Variants in NR6A1 observed in about 807,000 individuals in gnomAD.
NR6A1 encodes retinoic acid receptor-related testis-associated receptor.
Under a neutral mutation model 59.1 loss-of-function variants are expected in NR6A1, and 7 were observed. The ratio of observed to expected loss-of-function variants is 0.12; its 90% CI spans 0.07 to 0.22. The LOEUF is 0.22. NR6A1 is among the 10% of genes least tolerant of loss of function. NR6A1 has a pLI of 1.00. For synonymous variants in NR6A1, 243 were observed against 236.1 expected (o/e 1.03, Z -0.27); for missense variants, 468 against 611.6 (o/e 0.77, Z 2.48).
At chr9:124,696,413 C>G (rs1478163724) in intron 2 of NR6A1, among the ~76,000 whole-genome samples, 1 of 152,056 alleles carries the variant, frequency 6.6e-6, no homozygotes, top group African/African-American at 2.4e-5. Context: ...GACCCCCTTC[C>G]ATCATCCTGT....
At position 124,599,615 on chromosome 9, in the gene NR6A1, G is replaced by A. The variant is rs533350124; in HGVS notation, c.143-45045C>T. 14 of 1,172,728 alleles carry A rather than the reference G, an allele frequency of 1.2e-5. 1 individual carries two copies. In the African/African-American group the frequency reaches 1.8e-4, roughly 15 times the overall value. 72.6% of individuals were successfully genotyped at this position (1,172,728 alleles called of 1,614,324 possible). On this transcript the variant is annotated intron_variant, in intron 2 of 9. Coordinates refer to ENST00000487099, the MANE Select transcript of NR6A1 (RefSeq NM_033334.4). ...GCGGCGGCGGCCGCTCGGCTGAGTCGGTCGTCGCCGGCTCCGCGGCCTCTC... is the reference window on the plus strand; with the variant it reads ...GCGGCGGCGGCCGCTCGGCTGAGTCAGTCGTCGCCGGCTCCGCGGCCTCTC...
chr9:124,771,138 C>A lies in NR6A1; in HGVS notation c.-19G>T. 1 of 1,210,734 alleles carries A rather than the reference C, an allele frequency of 8.3e-7. No individual in the cohort carries two copies. Among genetic ancestry groups the A allele is most frequent in the Non-Finnish European group, 1.0e-6 (1 of 968,606 alleles). 75.0% of individuals were successfully genotyped at this position (1,210,734 alleles called of 1,614,324 possible). A position where few individuals can be genotyped will look rare whatever the true frequency, so the allele number is the denominator to read the frequency against. ...GCTCCATGCGGTGGTGCCTAGGGTC[C>A]GCGCCGGGTTTGTTGCTCCGCCATG... On this transcript the variant is annotated 5_prime_UTR_variant, in exon 1 of 10. The change creates a premature stop within an existing upstream ORF in the 5' untranslated region. Transcript: ENST00000487099.
intron 2 of NR6A1, among the ~76,000 whole-genome samples, chr9:124,646,322 T>C (rs918852128): frequency 6.6e-6 from 1 of 152,076 alleles, no homozygotes; most frequent in African/African-American, 2.4e-5. Context: ...CAACAAAAGC[T>C]GGTTCTTTGA....
chr9:124,536,520 G>A (rs1198399381), intron 6 of NR6A1, among the ~76,000 whole-genome samples: 4 of 152,122 alleles, frequency 2.6e-5, no homozygotes, highest in Non-Finnish European at 5.9e-5. Flanking sequence ...TTAGCCGGGC[G>A]TGGTAGCACA....
chr9:124,715,547 A>G (rs1053846347), intron 2 of NR6A1, among the ~76,000 whole-genome samples: 5 of 152,110 alleles, frequency 3.3e-5, no homozygotes, highest in Non-Finnish European at 5.9e-5. Flanking sequence ...AAAAAACAAA[A>G]TAAAATTTTA....
chr9:124,553,211 C>T (rs567968905), intron 3 of NR6A1, among the ~76,000 whole-genome samples: 4 of 152,162 alleles, frequency 2.6e-5, no homozygotes, highest in Non-Finnish European at 5.9e-5. Context: ...CTGAATGACA[C>T]TGCTCTATTC....
intron 2 of NR6A1, among the ~76,000 whole-genome samples, chr9:124,649,942 G>A (rs1419027714): frequency 1.3e-5 from 2 of 152,114 alleles, no homozygotes; most frequent in Admixed American, 1.3e-4. Context: ...AAAGACTGGT[G>A]CTGGTGAGGA....
rs533218512 is a variant in NR6A1 at position 124,639,346 on chromosome 9, T to A, written c.143-84776A>T. On this transcript the variant is annotated intron_variant, in intron 2 of 9. Coordinates refer to ENST00000487099, the MANE Select transcript of NR6A1 (RefSeq NM_033334.4). ...ACTAACGTTTACTGAGCACTCACAG[T>A]GTGCCAGGTCCTATGCTAAGCACTT... Among the ~76,000 whole-genome samples, 32 of 152,330 alleles carry A rather than the reference T, an allele frequency of 2.1e-4. 1 individual carries two copies. In the South Asian group the frequency reaches 6.6e-3, roughly 32 times the overall value.
At chr9:124,682,838 T>C (rs1010747227) in intron 2 of NR6A1, among the ~76,000 whole-genome samples, 4 of 152,182 alleles carry the variant, frequency 2.6e-5, no homozygotes, top group African/African-American at 4.8e-5. Context: ...GGGGTCCTGA[T>C]TCTGTTTGGT....
At position 124,529,846 on chromosome 9, in the gene NR6A1, T is replaced by G. The variant is rs192825496; in HGVS notation, c.1080-2946A>C. On this transcript the variant is annotated intron_variant, in intron 7 of 9. Transcript: ENST00000487099. ...CTCATCATAGCACTGTGTTGGATAT[T>G]TATGTTCTTGGGAGTGGGAAAAAAA... 2.0e-4 allele frequency among the ~76,000 whole-genome samples: 31 copies of G among 152,192 alleles called. 1 individual carries two copies. The highest frequency in any genetic ancestry group is 1.8e-3 in the Admixed American group (28 of 15,284).
chr9:124,574,030 T>C (rs1204976897), intron 2 of NR6A1, among the ~76,000 whole-genome samples: 1 of 152,236 alleles, frequency 6.6e-6, no homozygotes, highest in Non-Finnish European at 1.5e-5. Context: ...TATGTAAATA[T>C]GTACTGACAC....
At position 124,739,713 on chromosome 9, in the gene NR6A1, T is replaced by C. The variant is rs575338887; in HGVS notation, c.101-6364A>G. On this transcript the variant is annotated intron_variant, in intron 1 of 9. Coordinates refer to ENST00000487099, the MANE Select transcript of NR6A1 (RefSeq NM_033334.4). The stretch of plus-strand genomic sequence containing the variant: ...TTAAAATGTCACTGATCTTTTTCCT[T>C]TTTGATATTTTGACTATAAAATTGT... 5.3e-5 allele frequency among the ~76,000 whole-genome samples: 8 copies of C among 152,380 alleles called. 1 individual carries two copies. In the South Asian group the frequency reaches 1.7e-3, roughly 32 times the overall value.
At chr9:124,582,512 C>T (rs530059139) in intron 2 of NR6A1, among the ~76,000 whole-genome samples, 1 of 152,140 alleles carries the variant, frequency 6.6e-6, no homozygotes, top group South Asian at 2.1e-4. Flanking sequence ...CAACAAACCT[C>T]CATGACACAC....
At chr9:124,688,810 G>T (rs1434586734) in intron 2 of NR6A1, among the ~76,000 whole-genome samples, 1 of 152,196 alleles carries the variant, frequency 6.6e-6, no homozygotes, top group African/African-American at 2.4e-5. Context: ...CTTTCAAAAT[G>T]TGTTTATGTA....
In NR6A1 at chr9:124,672,252, C is replaced by T. The variant is rs534272450; in HGVS notation, c.142+61056G>A. Among the ~76,000 whole-genome samples the T allele has an allele frequency of 2.6e-5, 4 of 152,296 alleles. No homozygotes were observed. In the East Asian group the frequency reaches 7.7e-4, roughly 29 times the overall value. On this transcript the variant is annotated intron_variant, in intron 2 of 9. Transcript: ENST00000487099. ...TAGTTTGGGACTATTACAGATAATG[C>T]TATGATATACATTCTTGTACATATC...
At chr9:124,599,145 T>A (rs1017294677) in intron 2 of NR6A1, 4 of 634,422 alleles carry the variant, frequency 6.3e-6, no homozygotes, top group South Asian at 1.5e-5. Context: ...GCCCCCATTT[T>A]AAAAAGTTCC....
intron 7 of NR6A1, among the ~76,000 whole-genome samples, chr9:124,528,326 A>G (rs1406806891): frequency 6.6e-6 from 1 of 152,176 alleles, no homozygotes; most frequent in Non-Finnish European, 1.5e-5. Context: ...CATGGGTTCT[A>G]TATCTCTGGG....
intron 2 of NR6A1, among the ~76,000 whole-genome samples, chr9:124,589,175 G>A (rs894263861): frequency 2.0e-5 from 3 of 152,106 alleles, no homozygotes; most frequent in Non-Finnish European, 4.4e-5. Context: ...AGGCCAGGCC[G>A]GTGGCTCACG....
intron 2 of NR6A1, among the ~76,000 whole-genome samples, chr9:124,725,542 T>C (rs1252256550): frequency 6.6e-6 from 1 of 152,208 alleles, no homozygotes; most frequent in Non-Finnish European, 1.5e-5. Context: ...GTATTTCCTG[T>C]TCCAAAATAA....
Sources: allele counts gnomAD v4.1 joint callset (sites outside exome capture counted in the v4.1 genomes callset), GRCh38; gene constraint gnomAD v4.1.1; transcripts MANE v1.5; gene names NCBI Gene and HGNC (gene_info 2026-07-23, HGNC 2026-07-21).